The following DIAPH3 variants were observed in gnomAD, a reference collection of about 807,000 sequenced individuals.
The protein encoded by DIAPH3 is diaphanous related formin 3, also known as protein diaphanous homolog 3.
Under a neutral mutation model 144.3 loss-of-function variants are expected in DIAPH3, and 117 were observed. That is an observed-to-expected ratio of 0.81 (90% CI 0.70 to 0.95). DIAPH3 has a LOEUF of 0.95. Among genes scored for constraint, DIAPH3 ranks in the 40% least tolerant of loss-of-function variants. The pLI, the probability that DIAPH3 is intolerant of heterozygous loss-of-function variation, is 0.00. For missense variants in DIAPH3, 1,421 were observed against 1,412.7 expected (o/e 1.01, Z -0.09); for synonymous variants, 519 against 488.9 (o/e 1.06, Z -0.81).
At chr13:59,733,025 T>C (rs562739826) in intron 27 of DIAPH3, among the ~76,000 whole-genome samples, 2 of 152,188 alleles carry the variant, frequency 1.3e-5, no homozygotes, top group Non-Finnish European at 2.9e-5. Flanking sequence ...TGGGTCTTAG[T>C]ATATTATGTT....
At chr13:59,786,707 C>T (rs1348511308) in intron 25 of DIAPH3, among the ~76,000 whole-genome samples, 1 of 152,132 alleles carries the variant, frequency 6.6e-6, no homozygotes, top group Non-Finnish European at 1.5e-5. Flanking sequence ...ACAGCATTTC[C>T]TAAAGTGTGC....
chr13:59,978,927 G>A (rs914381566), intron 14 of DIAPH3, among the ~76,000 whole-genome samples: 3 of 151,606 alleles, frequency 2.0e-5, no homozygotes, highest in African/African-American at 4.8e-5. Context: ...TATACTTTCT[G>A]ACATTTCTGG....
intron 14 of DIAPH3, among the ~76,000 whole-genome samples, chr13:59,979,504 T>G (rs1224346814): frequency 6.6e-6 from 1 of 151,576 alleles, no homozygotes; most frequent in African/African-American, 2.4e-5. Flanking sequence ...ACTAAGTCAC[T>G]TCAGAGCAAC....
chr13:59,816,266 T>C (rs575024769), intron 24 of DIAPH3, among the ~76,000 whole-genome samples: 2 of 152,190 alleles, frequency 1.3e-5, no homozygotes, highest in South Asian at 4.1e-4. Flanking sequence ...AAAATGTATC[T>C]GAAAAACTTC....
chr13:60,081,989 T>C (rs990397666), intron 4 of DIAPH3, among the ~76,000 whole-genome samples: 26 of 152,020 alleles, frequency 1.7e-4, no homozygotes, highest in African/African-American at 6.3e-4. Flanking sequence ...AGAAAATTCC[T>C]GTAAAAGATG....
At chr13:60,114,362 T>C (rs2058648816) in intron 2 of DIAPH3, among the ~76,000 whole-genome samples, 1 of 150,972 alleles carries the variant, frequency 6.6e-6, no homozygotes, top group African/African-American at 2.4e-5. Flanking sequence ...TGGACATAGC[T>C]GAGGAAGAAT....
At chr13:59,778,888 C>T (rs992459393) in intron 25 of DIAPH3, among the ~76,000 whole-genome samples, 4 of 152,190 alleles carry the variant, frequency 2.6e-5, no homozygotes, top group Non-Finnish European at 4.4e-5. Context: ...TATCTCAGTT[C>T]TTACAATATA....
chr13:59,992,157 C>T lies in DIAPH3; in HGVS notation c.1155G>A (p.Leu385=), dbSNP rs1239640740. 1.9e-6 allele frequency: 3 copies of T among 1,611,358 alleles called. No homozygotes were observed. The highest frequency in any genetic ancestry group is 3.3e-5 in the Admixed American group (2 of 59,752). The stretch of plus-strand genomic sequence containing the variant: ...CATCAAAGACTTTAAGTTGGATATC[C>T]AGGCCATCATTCTTAATGCATTTTA... ...PNLKCIKNDG[L]DIQLKVFDEH... is the part of the protein sequence containing the mutation. The change falls in exon 11 of 28, where the codon CTG becomes CTA. Residue 385 remains leucine, a synonymous_variant. Transcript: ENST00000400324.
chr13:59,802,731 GACTGCAGTGGCGCAATCTCGGCTCAC>G (rs1232434085), intron 25 of DIAPH3, among the ~76,000 whole-genome samples: 1 of 119,958 alleles, frequency 8.3e-6, no homozygotes, highest in Non-Finnish European at 1.6e-5. Flanking sequence ...CCGGACTGCG[GACTGCAGTGGCGCAATCTCGGCTCAC>G]TGCAAGCTCC....
At chr13:59,821,583 G>A (rs955784693) in intron 24 of DIAPH3, among the ~76,000 whole-genome samples, 17 of 151,946 alleles carry the variant, frequency 1.1e-4, no homozygotes, top group African/African-American at 4.1e-4. Flanking sequence ...TATTTTCTTT[G>A]GTAACTAAAT....
intron 27 of DIAPH3, among the ~76,000 whole-genome samples, chr13:59,726,799 G>A (rs2035621765): frequency 6.6e-6 from 1 of 152,040 alleles, no homozygotes; most frequent in Non-Finnish European, 1.5e-5. Context: ...GTGTTAAAAT[G>A]CAATATAATA....
intron 17 of DIAPH3, among the ~76,000 whole-genome samples, chr13:59,927,483 T>C (rs1173071645): frequency 1.3e-5 from 2 of 152,192 alleles, no homozygotes; most frequent in African/African-American, 4.8e-5. Context: ...GTCTGCTCTA[T>C]AGGGAGCTTT....
chr13:60,032,385 G>C (rs1307632813), intron 5 of DIAPH3, among the ~76,000 whole-genome samples: 1 of 152,168 alleles, frequency 6.6e-6, no homozygotes, highest in East Asian at 1.9e-4. Context: ...AGCCCCTACA[G>C]CAGTGTTCTA....
At position 59,861,418 on chromosome 13, in the gene DIAPH3, T is replaced by C. The variant is rs752800540; in HGVS notation, c.2726A>G (p.Lys909Arg). The change falls in exon 22 of 28, where the codon AAA becomes AGA. Residue 909 changes from lysine to arginine, a missense_variant. Lys to Arg is a conservative substitution (Grantham distance 26). Transcript: ENST00000400324. ...NFVDDLEPLDKASKVSVETLE... is the reference protein window; with the variant it reads ...NFVDDLEPLDRASKVSVETLE... ...AAAAAGGCACAAACCTTTACTAGCT[T>C]TGTCTAAAGGTTCCAAATCATCCAC... is the stretch of plus-strand genomic sequence containing the variant. 10 of 1,613,680 alleles carry C rather than the reference T, an allele frequency of 6.2e-6. No individual in the cohort carries two copies. The African/African-American group carries it at 1.3e-4, about 22-fold the overall frequency.
chr13:60,057,804 T>C (rs1013879183), intron 4 of DIAPH3, among the ~76,000 whole-genome samples: 1 of 151,808 alleles, frequency 6.6e-6, no homozygotes, highest in East Asian at 1.9e-4. Flanking sequence ...AAAGGACACC[T>C]TATTCAATAA....
At chr13:59,974,244 T>C (rs143727106) in intron 15 of DIAPH3, 108 bp downstream of exon 15, 348 of 885,894 alleles carry the variant, frequency 3.9e-4, no homozygotes, top group Non-Finnish European at 5.4e-4. Flanking sequence ...TATAAAAATA[T>C]ACAAGCAAAA....
Position 60,148,104 on chromosome 13 carries a change from T to C in DIAPH3, c.181-15115A>G, listed in dbSNP as rs112156261. Reference sequence around the variant, plus strand: ...ATATGGAAGTTAAAGATCAAGAAGTTGAAAATAAATCCAAGGATAAAATGT... The same window carrying C: ...ATATGGAAGTTAAAGATCAAGAAGTCGAAAATAAATCCAAGGATAAAATGT... On this transcript the variant is annotated intron_variant, in intron 1 of 27. Coordinates refer to ENST00000400324, the MANE Select transcript of DIAPH3 (RefSeq NM_001042517.2). 4.4e-3 allele frequency among the ~76,000 whole-genome samples: 669 copies of C among 152,178 alleles called. 9 individuals are homozygous for C. The highest frequency in any genetic ancestry group is 0.017 in the Middle Eastern group (5 of 294).
At chr13:60,123,083 G>A (rs775958507) in intron 2 of DIAPH3, among the ~76,000 whole-genome samples, 1 of 152,004 alleles carries the variant, frequency 6.6e-6, no homozygotes, top group African/African-American at 2.4e-5. Flanking sequence ...CTTCCACTAC[G>A]AATCCATTTC....
chr13:59,735,990 G>A (rs2139012255), intron 27 of DIAPH3, among the ~76,000 whole-genome samples: 1 of 152,000 alleles, frequency 6.6e-6, no homozygotes, highest in East Asian at 1.9e-4. Context: ...CCCTCTATGT[G>A]TCCATGTGTT....
Sources: allele counts gnomAD v4.1 joint callset (sites outside exome capture counted in the v4.1 genomes callset), GRCh38; gene constraint gnomAD v4.1.1; transcripts MANE v1.5; gene names NCBI Gene and HGNC (gene_info 2026-07-23, HGNC 2026-07-21).